The following ASIC2 variants were observed in gnomAD, a reference collection of about 807,000 sequenced individuals.
The protein encoded by ASIC2 is acid-sensing ion channel 2.
ASIC2 carries 25 observed loss-of-function variants against 57.3 expected under a neutral mutation model. The observed-to-expected ratio is 0.44, with a 90% confidence interval of 0.32 to 0.61. The LOEUF is 0.61. ASIC2 is among the 20% of genes least tolerant of loss of function. The pLI, the probability that ASIC2 is intolerant of heterozygous loss-of-function variation, is 0.06. For synonymous variants in ASIC2, 319 were observed against 307.5 expected (o/e 1.04, Z -0.39); for missense variants, 641 against 738.1 (o/e 0.87, Z 1.52).
At position 33,365,427 on chromosome 17, in the gene ASIC2, T is replaced by A. The variant is rs531297239; in HGVS notation, c.556-253360A>T. 2.0e-5 allele frequency among the ~76,000 whole-genome samples: 3 copies of A among 152,174 alleles called. No individual in the cohort carries two copies. The South Asian group carries it at 6.2e-4, about 32-fold the overall frequency. ...AGTGTTTCCTGTAGAGTCTGACATG[T>A]AGGAGGTACTTAGGTTATACTTGCT... On this transcript the variant is annotated intron_variant, in intron 1 of 9. Transcript: ENST00000359872.
chr17:33,395,581 T>A (rs760603954), intron 1 of ASIC2, among the ~76,000 whole-genome samples: 4 of 152,148 alleles, frequency 2.6e-5, no homozygotes, highest in Non-Finnish European at 5.9e-5. Flanking sequence ...CCAAACCCTA[T>A]CACCATCCAT....
chr17:33,237,519 T>G (rs909223602), intron 1 of ASIC2, among the ~76,000 whole-genome samples: 1 of 152,076 alleles, frequency 6.6e-6, no homozygotes, highest in African/African-American at 2.4e-5. Context: ...CTCAGGTGAT[T>G]TTGTGTTTTT....
At chr17:33,244,709 A>G (rs1441317501) in intron 1 of ASIC2, among the ~76,000 whole-genome samples, 1 of 152,148 alleles carries the variant, frequency 6.6e-6, no homozygotes, top group Non-Finnish European at 1.5e-5. Flanking sequence ...CCTTGCATAT[A>G]GGGTCTTGTG....
At chr17:33,025,831 C>A in intron 5 of ASIC2, 95 bp downstream of exon 5, 1 of 1,260,232 alleles carries the variant, frequency 7.9e-7, no homozygotes. Context: ...TCCATTCCTT[C>A]TTCCACTTGA....
intron 1 of ASIC2, among the ~76,000 whole-genome samples, chr17:33,910,027 C>T (rs141670951): frequency 6.6e-6 from 1 of 152,098 alleles, no homozygotes; most frequent in East Asian, 1.9e-4. Flanking sequence ...GCACCACCCT[C>T]GTTGAATTGT....
intron 1 of ASIC2, among the ~76,000 whole-genome samples, chr17:34,052,623 T>C (rs1384753244): frequency 6.6e-6 from 1 of 151,932 alleles, no homozygotes; most frequent in Admixed American, 6.6e-5. Flanking sequence ...TCTCACTTTT[T>C]TTTTTTTTTT....
chr17:33,936,373 G>C (rs1018088416), intron 1 of ASIC2: 1 of 152,202 alleles, frequency 6.6e-6, no homozygotes, highest in Non-Finnish European at 1.5e-5. Flanking sequence ...CGTGGTCTCA[G>C]AACGGGGCCT....
chr17:33,464,478 TTCTC>T (rs201571458), intron 1 of ASIC2, among the ~76,000 whole-genome samples: 2,686 of 73,264 alleles, frequency 0.037, 118 homozygotes, highest in East Asian at 0.097. Flanking sequence ...TTTCTTTCTT[TTCTC>T]TCTTTCTTTC....
At chr17:33,235,976 A>C (rs531093791) in intron 1 of ASIC2, among the ~76,000 whole-genome samples, 4 of 152,214 alleles carry the variant, frequency 2.6e-5, no homozygotes, top group African/African-American at 9.6e-5. Context: ...AGCTGGAACT[A>C]CAGGCGTGCA....
intron 1 of ASIC2, among the ~76,000 whole-genome samples, chr17:33,465,710 A>G (rs996488069): frequency 6.6e-6 from 1 of 152,186 alleles, no homozygotes; most frequent in Admixed American, 6.5e-5. Flanking sequence ...CTTATTCAGA[A>G]CAGGAAAGGT....
At chr17:33,169,988 A>T (rs1450844713) in intron 1 of ASIC2, among the ~76,000 whole-genome samples, 1 of 152,198 alleles carries the variant, frequency 6.6e-6, no homozygotes, top group Non-Finnish European at 1.5e-5. Flanking sequence ...GTCCATTTAT[A>T]TCAGAGCCAA....
intron 3 of ASIC2, among the ~76,000 whole-genome samples, chr17:33,053,224 C>T (rs1023167100): frequency 2.6e-5 from 4 of 152,200 alleles, no homozygotes; most frequent in African/African-American, 7.2e-5. Context: ...TTATCCAACT[C>T]AAGAAAATCC....
At position 33,024,015 on chromosome 17, in the gene ASIC2, C is replaced by A; in HGVS notation, c.1196-1G>T. On this transcript the variant is annotated splice_acceptor_variant, in intron 5 of 9. Transcript: ENST00000225823. LOFTEE classifies it high-confidence loss of function. Reference sequence around the variant, plus strand: ...TTGCTGTCCTTTTCCGCCAACAGACCTGGAGGGGAGAGTGAGGTGGGGCTT... The same window carrying A: ...TTGCTGTCCTTTTCCGCCAACAGACATGGAGGGGAGAGTGAGGTGGGGCTT... The A allele has an allele frequency of 6.2e-7, 1 of 1,613,976 alleles. No individual in the cohort carries two copies. Among genetic ancestry groups the A allele is most frequent in the Non-Finnish European group, 8.5e-7 (1 of 1,179,986 alleles).
chr17:33,189,217 A>G (rs1906317885), intron 1 of ASIC2, among the ~76,000 whole-genome samples: 1 of 152,046 alleles, frequency 6.6e-6, no homozygotes, highest in Non-Finnish European at 1.5e-5. Flanking sequence ...TACACAAGAG[A>G]ACCCCCCACC....
chr17:33,234,884 G>C (rs1249127639), intron 1 of ASIC2, among the ~76,000 whole-genome samples: 1 of 152,150 alleles, frequency 6.6e-6, no homozygotes, highest in African/African-American at 2.4e-5. Flanking sequence ...CTTGGGGAGG[G>C]GGACAACAAA....
intron 1 of ASIC2, among the ~76,000 whole-genome samples, chr17:33,555,780 A>G (rs1190042007): frequency 1.3e-5 from 2 of 152,006 alleles, no homozygotes; most frequent in African/African-American, 4.8e-5. Flanking sequence ...CATGGAAAGA[A>G]CTCTGGACTC....
At chr17:34,138,292 C>T (rs1428474747) in intron 1 of ASIC2, among the ~76,000 whole-genome samples, 1 of 152,166 alleles carries the variant, frequency 6.6e-6, no homozygotes, top group Non-Finnish European at 1.5e-5. Flanking sequence ...TTAAACATTG[C>T]CTGGCACATA....
At chr17:34,152,809 T>C (rs1291439734) in intron 1 of ASIC2, among the ~76,000 whole-genome samples, 1 of 152,204 alleles carries the variant, frequency 6.6e-6, no homozygotes, top group Non-Finnish European at 1.5e-5. Flanking sequence ...GCACTCACAT[T>C]ATCCAACACC....
In ASIC2 at chr17:34,016,487, C is replaced by T. The variant is rs190355108; in HGVS notation, c.555+139491G>A. On this transcript the variant is annotated intron_variant, in intron 1 of 9. Coordinates refer to the ASIC2 transcript ENST00000359872. ...GCCCATCATGAATCCATCTTTACAG[C>T]GCAACATTATGAAATAGGTCCCCAG... Among the ~76,000 whole-genome samples, 452 of 149,836 alleles carry T rather than the reference C, an allele frequency of 3.0e-3. 3 individuals are homozygous for T. Among genetic ancestry groups the T allele is most frequent in the Non-Finnish European group, 3.0e-3 (204 of 67,732 alleles).
Sources: gnomAD v4.1 joint callset for allele counts (sites outside exome capture counted in the v4.1 genomes callset) on GRCh38, gnomAD v4.1.1 for gene constraint, MANE v1.5 for transcripts, NCBI Gene and HGNC (gene_info 2026-07-23, HGNC 2026-07-21) for gene names.